Variants in RIN2 observed in about 807,000 individuals in gnomAD.
RIN2 encodes the protein Ras and Rab interactor 2, also known as RAB5 interacting protein 2.
A neutral mutation model predicts 78.0 loss-of-function variants in RIN2; 36 were observed. That is an observed-to-expected ratio of 0.46 (90% confidence interval 0.35 to 0.61). The LOEUF is 0.61. RIN2 is among the 20% of genes least tolerant of loss of function. The probability of loss-of-function intolerance (pLI) is 0.00; values close to 1 mark genes in which losing one functional copy is unlikely to be tolerated. For synonymous variants in RIN2, 466 were observed against 466.8 expected (o/e 1.00, Z 0.02); for missense variants, 1,087 against 1,159.7 (o/e 0.94, Z 0.91).
intron 3 of RIN2, among the ~76,000 whole-genome samples, chr20:19,911,695 G>C (rs1405057971): frequency 6.6e-6 from 1 of 151,738 alleles, no homozygotes; most frequent in East Asian, 1.9e-4. Flanking sequence ...TAGTTGTCAT[G>C]ATTCTTTGGC....
chr20:19,818,861 A>AT (rs1269061697), intron 2 of RIN2, among the ~76,000 whole-genome samples: 2 of 152,358 alleles, frequency 1.3e-5, no homozygotes, highest in East Asian at 3.9e-4. Flanking sequence ...TAACCGAAAC[A>AT]TTCATCAGTT....
rs752450977 is a variant in RIN2, at chr20:19,975,747, G to C, written c.1722G>C (p.Leu574=). 6.2e-7 allele frequency: 1 copy of C among 1,612,572 alleles called. No homozygotes were observed. Among genetic ancestry groups the C allele is most frequent in the East Asian group, 2.2e-5 (1 of 44,868 alleles). The part of the protein sequence containing the change: ...VKNYLSQSSE[L]DPPIESLIPE... Reference sequence around the variant, plus strand: ...ACTATTTGTCTCAGAGCTCGGAGCTGGACCCCCCCATCGAGTCGCTGATCC... The same window carrying C: ...ACTATTTGTCTCAGAGCTCGGAGCTCGACCCCCCCATCGAGTCGCTGATCC... Residue 574 remains leucine, a synonymous_variant, in exon 9 of 13, where the codon CTG becomes CTC. Coordinates refer to ENST00000255006, the MANE Select transcript of RIN2 (RefSeq NM_018993.4). The surrounding 1 kb of genome is among the most constrained non-coding windows in gnomAD (Gnocchi z 4.9).
intron 11 of RIN2, among the ~76,000 whole-genome samples, chr20:19,995,261 T>TAA (rs74180976): frequency 0.18 from 21,733 of 121,574 alleles, 2,380 homozygotes; most frequent in African/African-American, 0.35. Flanking sequence ...GTTTTTTTTT[T>TAA]AAAAAAAAAA....
intron 2 of RIN2, among the ~76,000 whole-genome samples, chr20:19,810,733 G>A (rs1243822902): frequency 2.2e-4 from 25 of 115,864 alleles, no homozygotes; most frequent in African/African-American, 7.7e-4. Context: ...GTTCTGTCTC[G>A]CCCAGGCTAG....
chr20:19,770,698 C>T (rs540686375), intron 1 of RIN2, among the ~76,000 whole-genome samples: 10 of 152,212 alleles, frequency 6.6e-5, no homozygotes, highest in South Asian at 2.1e-4. Flanking sequence ...ATAACCTGTA[C>T]GTGAAAAAAA....
intron 3 of RIN2, among the ~76,000 whole-genome samples, chr20:19,890,419 T>A (rs2123500697): frequency 6.6e-6 from 1 of 152,070 alleles, no homozygotes; most frequent in Admixed American, 6.6e-5. Flanking sequence ...GTATAGAAAA[T>A]TTTGAAAATA....
At position 20,001,065 on chromosome 20, in the gene RIN2, C is replaced by A; in HGVS notation, c.*129C>A. ...CCCCTCAGTGTAGTGACTAAGCCATCCACAGGCCAACTCGGCCAAGGGCAA... is the reference window on the plus strand; with the variant it reads ...CCCCTCAGTGTAGTGACTAAGCCATACACAGGCCAACTCGGCCAAGGGCAA... On this transcript the variant is annotated 3_prime_UTR_variant, in exon 13 of 13. Coordinates refer to ENST00000255006, the MANE Select transcript of RIN2 (RefSeq NM_018993.4). 1 of 844,346 alleles carries A rather than the reference C, an allele frequency of 1.2e-6. No individual in the cohort carries two copies. The highest frequency in any genetic ancestry group is 1.8e-6 in the Non-Finnish European group (1 of 563,276). 52.3% of individuals were successfully genotyped at this position (844,346 alleles called of 1,614,324 possible).
rs536522976 is a variant in RIN2, at chr20:19,943,886, T to C, written c.158+8687T>C. 5.9e-5 allele frequency among the ~76,000 whole-genome samples: 9 copies of C among 152,048 alleles called. No individual in the cohort carries two copies. The South Asian group carries it at 1.5e-3, about 25-fold the overall frequency. ...AACTGTGTTAGCCAGGCCAGGGTCCTGCCGTGTCCAGAATAATGGATTGGG... is the reference window on the plus strand; with the variant it reads ...AACTGTGTTAGCCAGGCCAGGGTCCCGCCGTGTCCAGAATAATGGATTGGG... On this transcript the variant is annotated intron_variant, in intron 4 of 12. Transcript: ENST00000255006.
chr20:19,823,302 T>C (rs2035983397), intron 2 of RIN2: 1 of 585,074 alleles, frequency 1.7e-6, no homozygotes, highest in Non-Finnish European at 3.0e-6. Context: ...ATCTGGGGAC[T>C]GAATGAAGTT....
chr20:19,972,491 T>C (rs1414871083), intron 8 of RIN2, among the ~76,000 whole-genome samples: 1 of 152,212 alleles, frequency 6.6e-6, no homozygotes, highest in African/African-American at 2.4e-5. Flanking sequence ...ATTCGACTTG[T>C]GATTCTCGAT....
intron 9 of RIN2, among the ~76,000 whole-genome samples, chr20:19,976,556 T>G (rs1257850383): frequency 6.6e-6 from 1 of 152,246 alleles, no homozygotes; most frequent in Non-Finnish European, 1.5e-5. Flanking sequence ...GAGTTGCTAA[T>G]GGTTACTTTG....
At chr20:19,854,665 G>T (rs1406754772) in intron 2 of RIN2, among the ~76,000 whole-genome samples, 6 of 152,166 alleles carry the variant, frequency 3.9e-5, no homozygotes, top group Non-Finnish European at 5.9e-5. Context: ...GTTCACTCAT[G>T]ATTTGGCTCT....
In RIN2 at chr20:19,824,035, TG is replaced by T. The variant is rs550101021; in HGVS notation, c.-37+24289del. ...CCTCCGAGCCGAAAGCCGAGAGAGC[TG>T]CTCTGCCTGCTTCTATGGCCCCCCA... On this transcript the variant is annotated intron_variant, in intron 2 of 12. Transcript: ENST00000255006. 2,320 of 720,350 alleles carry T rather than the reference TG, an allele frequency of 3.2e-3. 10 individuals are homozygous for T. The highest frequency in any genetic ancestry group is 4.9e-3 in the Non-Finnish European group (2,095 of 429,608). The allele number at this position is 720,350 out of a possible 1,614,324, so 44.6% of individuals were successfully genotyped here. A position where few individuals can be genotyped will look rare whatever the true frequency, so the allele number is the denominator to read the frequency against.
intron 2 of RIN2, among the ~76,000 whole-genome samples, chr20:19,883,080 T>A (rs79324706): frequency 0.014 from 2,164 of 152,242 alleles, 29 homozygotes; most frequent in Middle Eastern, 0.027. Context: ...TGCAGACTTT[T>A]CAATGACCTT....
Position 19,956,614 on chromosome 20 carries a change from G to C in RIN2, c.159-1G>C, listed in dbSNP as rs778199785. 3 of 1,612,820 alleles carry C rather than the reference G, an allele frequency of 1.9e-6. No homozygotes were observed. Among genetic ancestry groups the C allele is most frequent in the South Asian group, 2.2e-5 (2 of 90,798 alleles). On this transcript the variant is annotated splice_acceptor_variant, in intron 4 of 12. Coordinates refer to ENST00000255006, the MANE Select transcript of RIN2 (RefSeq NM_018993.4). LOFTEE classifies it high-confidence loss of function. ...GACCGTGCCGCTTCTCTTTCTCCTA[G>C]CATGGTAAGACACAAGGATGGTGGC...
At chr20:19,826,257 T>C (rs2036086919) in intron 2 of RIN2, among the ~76,000 whole-genome samples, 1 of 152,158 alleles carries the variant, frequency 6.6e-6, no homozygotes, top group Admixed American at 6.5e-5. Flanking sequence ...ATTCTAATAA[T>C]AAATAATTAT....
chr20:19,861,731 C>CTCACCCTCCATATCCGATGA, intron 2 of RIN2, among the ~76,000 whole-genome samples: 1 of 146,582 alleles, frequency 6.8e-6, no homozygotes, highest in South Asian at 2.2e-4. Flanking sequence ...ATATCTGATG[C>CTCACCCTCCATATCCGATGA]TCACCCTCCA....
At chr20:19,875,478 T>A (rs1055736379) in intron 2 of RIN2, among the ~76,000 whole-genome samples, 4 of 152,166 alleles carry the variant, frequency 2.6e-5, no homozygotes, top group African/African-American at 9.7e-5. Flanking sequence ...ATTTTTAAAT[T>A]CTAAAAAGAT....
chr20:19,766,913 G>GA (rs749280521), intron 1 of RIN2, among the ~76,000 whole-genome samples: 3,450 of 108,884 alleles, frequency 0.032, 121 homozygotes, highest in African/African-American at 0.095. Flanking sequence ...CTCCATCTCA[G>GA]AAAAAAAAAA....
Sources: allele counts gnomAD v4.1 joint callset (sites outside exome capture counted in the v4.1 genomes callset), GRCh38; gene constraint gnomAD v4.1.1; non-coding constraint Gnocchi (gnomAD v3.1); transcripts MANE v1.5; gene names NCBI Gene and HGNC (gene_info 2026-07-23, HGNC 2026-07-21).